LRRC4C: variants seen among roughly 807,000 people sequenced by gnomAD.
The protein encoded by LRRC4C is leucine-rich repeat-containing protein 4C.
Under a neutral mutation model 33.6 loss-of-function variants are expected in LRRC4C, and 5 were observed. That is an observed-to-expected ratio of 0.15 (90% CI 0.08 to 0.31). LRRC4C has a LOEUF of 0.31. Ranked by LOEUF, LRRC4C falls within the 10% of genes least tolerant of loss-of-function variation. The pLI is 1.00. For synonymous variants in LRRC4C, 329 were observed against 302.0 expected (o/e 1.09, Z -0.93); for missense variants, 560 against 796.7 (o/e 0.70, Z 3.58).
intron 6 of LRRC4C, among the ~76,000 whole-genome samples, chr11:40,130,239 G>T (rs1361662107): frequency 2.0e-5 from 3 of 152,124 alleles, no homozygotes; most frequent in Non-Finnish European, 4.4e-5. Context: ...AAATCAGAAT[G>T]CTCCAATGAT....
chr11:40,164,901 T>C (rs1859461233), intron 5 of LRRC4C, among the ~76,000 whole-genome samples: 1 of 152,186 alleles, frequency 6.6e-6, no homozygotes, highest in Admixed American at 6.5e-5. Flanking sequence ...ATAGAGTTTA[T>C]TTAAACAGAA....
chr11:40,954,442 A>G (rs573695030), intron 1 of LRRC4C, among the ~76,000 whole-genome samples: 5 of 152,000 alleles, frequency 3.3e-5, no homozygotes. Flanking sequence ...GCATGGCTCC[A>G]ATCATAAAGA....
intron 3 of LRRC4C, among the ~76,000 whole-genome samples, chr11:40,357,016 A>G (rs910156018): frequency 6.6e-6 from 1 of 152,194 alleles, no homozygotes; most frequent in Non-Finnish European, 1.5e-5. Context: ...GCTTGAATAC[A>G]AAGTCTATGA....
chr11:41,201,381 A>T (rs763243698), intron 1 of LRRC4C, among the ~76,000 whole-genome samples: 29 of 152,174 alleles, frequency 1.9e-4, no homozygotes, highest in Non-Finnish European at 1.8e-4. Context: ...TCTAGGTTTA[A>T]CCCTTCAGGT....
At chr11:40,983,571 G>A (rs1253467008) in intron 1 of LRRC4C, among the ~76,000 whole-genome samples, 1 of 152,060 alleles carries the variant, frequency 6.6e-6, no homozygotes, top group African/African-American at 2.4e-5. Context: ...CCTACAAGAC[G>A]GGAGAAAATT....
chr11:40,956,166 A>G (rs907287500), intron 1 of LRRC4C, among the ~76,000 whole-genome samples: 3 of 151,808 alleles, frequency 2.0e-5, no homozygotes, highest in Non-Finnish European at 2.9e-5. Context: ...GATACCAAAA[A>G]CAAATAACCT....
chr11:40,400,156 A>G (rs1949705191), intron 3 of LRRC4C, among the ~76,000 whole-genome samples: 1 of 152,096 alleles, frequency 6.6e-6, no homozygotes, highest in Admixed American at 6.6e-5. Context: ...CCTCAGACAT[A>G]GTAGACTACT....
intron 3 of LRRC4C, among the ~76,000 whole-genome samples, chr11:40,497,561 A>C (rs1362308304): frequency 1.3e-5 from 2 of 152,208 alleles, no homozygotes; most frequent in Non-Finnish European, 2.9e-5. Flanking sequence ...AAATAAAAAC[A>C]GTTTGAAAAG....
chr11:40,392,788 C>T (rs1590587221), intron 3 of LRRC4C, among the ~76,000 whole-genome samples: 1 of 152,070 alleles, frequency 6.6e-6, no homozygotes, highest in African/African-American at 2.4e-5. Flanking sequence ...TACTATGTAT[C>T]ATGTTCTAAT....
rs1380391708 is a variant in LRRC4C at position 40,464,127 on chromosome 11, A to T, written c.-269-144406T>A. Among the ~76,000 whole-genome samples, 4 of 152,192 alleles carry T rather than the reference A, an allele frequency of 2.6e-5. 1 individual carries two copies. Among genetic ancestry groups the T allele is most frequent in the Admixed American group, 2.6e-4 (4 of 15,246 alleles). ...ACTGAATGAAGTAGCCCTCAAAAAG[A>T]TAGTACACCATGATCAAGTGGGTTT... On this transcript the variant is annotated intron_variant, in intron 3 of 6. Transcript: ENST00000528697.
chr11:41,319,188 T>G (rs1020449205), intron 1 of LRRC4C, among the ~76,000 whole-genome samples: 2 of 152,190 alleles, frequency 1.3e-5, no homozygotes, highest in African/African-American at 4.8e-5. Flanking sequence ...AAAGTTATGT[T>G]ACTGAATGAG....
intron 1 of LRRC4C, among the ~76,000 whole-genome samples, chr11:41,205,929 T>C (rs1004206791): frequency 1.3e-5 from 2 of 152,172 alleles, no homozygotes; most frequent in African/African-American, 4.8e-5. Context: ...CCATGCATTT[T>C]ACTACTAAGC....
chr11:41,030,584 C>T (rs573539297), intron 1 of LRRC4C, among the ~76,000 whole-genome samples: 3 of 151,906 alleles, frequency 2.0e-5, no homozygotes, highest in South Asian at 2.1e-4. Context: ...TGCCATCGAA[C>T]ACCAACAAAG....
chr11:40,369,825 G>T (rs1463213547), intron 3 of LRRC4C, among the ~76,000 whole-genome samples: 1 of 152,064 alleles, frequency 6.6e-6, no homozygotes, highest in Non-Finnish European at 1.5e-5. Context: ...AAATCTAATA[G>T]TTTTAAAATA....
intron 1 of LRRC4C, among the ~76,000 whole-genome samples, chr11:41,115,734 G>A (rs1590640484): frequency 6.6e-6 from 1 of 152,170 alleles, no homozygotes; most frequent in East Asian, 1.9e-4. Flanking sequence ...GTTCTCTAAA[G>A]GTAATCAGGA....
At chr11:41,194,708 C>T (rs955289296) in intron 1 of LRRC4C, among the ~76,000 whole-genome samples, 4 of 152,026 alleles carry the variant, frequency 2.6e-5, no homozygotes, top group African/African-American at 7.2e-5. Context: ...TCTGTCAACG[C>T]CAGCCAAGAC....
At chr11:40,798,643 T>C (rs959181316) in intron 2 of LRRC4C, among the ~76,000 whole-genome samples, 1 of 145,248 alleles carries the variant, frequency 6.9e-6, no homozygotes, top group African/African-American at 2.7e-5. Flanking sequence ...GTTTCTTTCT[T>C]TCTTTTTTTT....
intron 1 of LRRC4C, among the ~76,000 whole-genome samples, chr11:41,148,691 A>C (rs1290499399): frequency 6.6e-6 from 1 of 152,098 alleles, no homozygotes; most frequent in African/African-American, 2.4e-5. Flanking sequence ...GGTATAGCAC[A>C]GCATTTAGGA....
chr11:40,350,340 A>G (rs985086482), intron 3 of LRRC4C, among the ~76,000 whole-genome samples: 1 of 152,068 alleles, frequency 6.6e-6, no homozygotes, highest in African/African-American at 2.4e-5. Context: ...ATCATTTATT[A>G]AAGAGGCTGT....
Sources: allele counts gnomAD v4.1 joint callset (sites outside exome capture counted in the v4.1 genomes callset), GRCh38; gene constraint gnomAD v4.1.1; transcripts MANE v1.5; gene names NCBI Gene and HGNC (gene_info 2026-07-23, HGNC 2026-07-21).